Variants in PARG observed in about 807,000 individuals in gnomAD.
PARG encodes poly(ADP-ribose) glycohydrolase.
A neutral mutation model predicts 113.0 loss-of-function variants in PARG; 35 were observed. That is an observed-to-expected ratio of 0.31 (90% CI 0.24 to 0.41). The LOEUF (loss-of-function observed/expected upper bound fraction) is 0.41, where lower values mean the gene tolerates loss of function less well. Among genes scored for constraint, PARG ranks in the 10% least tolerant of loss-of-function variants. The probability of loss-of-function intolerance (pLI) is 1.00; values close to 1 mark genes in which losing one functional copy is unlikely to be tolerated. For missense variants in PARG, 797 were observed against 1,169.4 expected (o/e 0.68, Z 4.64); for synonymous variants, 330 against 409.9 (o/e 0.81, Z 2.36).
At chr10:49,940,621 G>A (rs1838991050) in intron 1 of PARG, among the ~76,000 whole-genome samples, 1 of 152,172 alleles carries the variant, frequency 6.6e-6, no homozygotes, top group Non-Finnish European at 1.5e-5. Context: ...GGATGCCAGC[G>A]ATTCTCCTGC....
intron 4 of PARG, among the ~76,000 whole-genome samples, chr10:49,928,843 T>C (rs1351302284): frequency 6.6e-6 from 1 of 152,210 alleles, no homozygotes; most frequent in Non-Finnish European, 1.5e-5. Context: ...TATTAACATC[T>C]GGAATCTTAA....
At position 49,938,803 on chromosome 10, in the gene PARG, A is replaced by T. The variant is rs1400361723; in HGVS notation, c.217+2706T>A. Among the ~76,000 whole-genome samples the T allele has an allele frequency of 2.6e-5, 4 of 152,194 alleles. No homozygotes were observed. In the East Asian group the frequency reaches 7.7e-4, roughly 29 times the overall value. ...ATATAAAATTTAAAGATACTGAATA[A>T]ATATCCATTTCGCTACCCCGCCTAC... On this transcript the variant is annotated intron_variant, in intron 1 of 17. Coordinates refer to ENST00000616448, the MANE Select transcript of PARG (RefSeq NM_003631.5).
intron 15 of PARG, among the ~76,000 whole-genome samples, chr10:49,834,812 C>T (rs1310978189): frequency 6.6e-6 from 1 of 151,884 alleles, no homozygotes; most frequent in African/African-American, 2.4e-5. Context: ...TGCACTCCAG[C>T]CTGGGTGACA....
intron 7 of PARG, among the ~76,000 whole-genome samples, chr10:49,891,623 A>AT (rs1160158066): frequency 2.1e-5 from 1 of 47,440 alleles, no homozygotes; most frequent in African/African-American, 1.0e-4. Context: ...ATATATATAT[A>AT]TTTTTTTTTT....
intron 6 of PARG, among the ~76,000 whole-genome samples, chr10:49,921,061 A>G (rs536663048): frequency 2.0e-5 from 3 of 152,158 alleles, no homozygotes; most frequent in Non-Finnish European, 4.4e-5. Flanking sequence ...GTGGAGAAAG[A>G]AGGACGGAAA....
chr10:49,877,040 A>G (rs1554838530), intron 9 of PARG, among the ~76,000 whole-genome samples: 1 of 149,030 alleles, frequency 6.7e-6, no homozygotes. Flanking sequence ...CTTAGTGTTG[A>G]TAGTAGAGGG....
chr10:49,909,208 G>A (rs1293580782), intron 7 of PARG, among the ~76,000 whole-genome samples: 21 of 151,902 alleles, frequency 1.4e-4, no homozygotes, highest in African/African-American at 2.2e-4. Flanking sequence ...TGTGTTTTAC[G>A]TTATTGAATC....
chr10:49,849,135 C>G (rs1321639974), intron 13 of PARG, among the ~76,000 whole-genome samples: 1 of 151,508 alleles, frequency 6.6e-6, no homozygotes, highest in Admixed American at 6.6e-5. Context: ...GCAGAGGTTG[C>G]GGTAAGCTGA....
At position 49,842,040 on chromosome 10, in the gene PARG, G is replaced by T; in HGVS notation, c.2451C>A (p.Arg817=). 6.5e-7 allele frequency: 1 copy of T among 1,549,780 alleles called. No individual in the cohort carries two copies. Among genetic ancestry groups the T allele is most frequent in the Non-Finnish European group, 8.7e-7 (1 of 1,146,384 alleles). ...DGSERDDWQR[R]CTEIVAIDAL... The stretch of plus-strand genomic sequence containing the variant: ...CATCGATGGCAACGATCTCAGTGCA[G>T]CGCCGCTGCCAGTCGTCCCTGGGAC... Residue 817 remains arginine (R), a synonymous_variant, in exon 15 of 18, where the codon CGC becomes CGA. Coordinates refer to ENST00000616448, the MANE Select transcript of PARG (RefSeq NM_003631.5).
At chr10:49,916,704 T>C (rs575478954) in intron 6 of PARG, among the ~76,000 whole-genome samples, 3 of 152,282 alleles carry the variant, frequency 2.0e-5, no homozygotes, top group South Asian at 4.1e-4. Context: ...CCACTAGATG[T>C]GCAGAAACAA....
At chr10:49,889,259 T>C (rs1554841027) in intron 7 of PARG, among the ~76,000 whole-genome samples, 1 of 152,116 alleles carries the variant, frequency 6.6e-6, no homozygotes, top group African/African-American at 2.4e-5. Flanking sequence ...GAGGGACATT[T>C]TGTTGAAATT....
At chr10:49,935,020 A>G in intron 2 of PARG, 56 bp downstream of exon 2, 1 of 681,760 alleles carries the variant, frequency 1.5e-6, no homozygotes, top group Non-Finnish European at 2.7e-6. Flanking sequence ...TTAAAGCAAC[A>G]AGATAAAACA....
chr10:49,909,923 C>T lies in PARG; in HGVS notation c.1737+5994G>A, dbSNP rs553571577. ...GCCACTGGACACAGAATCTGTGTGA[C>T]GCTGTACCCCTCAAGCATTTAAATT... On this transcript the variant is annotated intron_variant, in intron 7 of 17. Transcript: ENST00000616448. The T allele has an allele frequency of 5.2e-3, 827 of 158,342 alleles. 1 individual carries two copies. Among genetic ancestry groups the T allele is most frequent in the Non-Finnish European group, 7.9e-3 (568 of 71,486 alleles). The allele number at this position is 158,342 out of a possible 1,614,324, so 9.8% of individuals were successfully genotyped here. A position where few individuals can be genotyped will look rare whatever the true frequency, so the allele number is the denominator to read the frequency against.
intron 7 of PARG, among the ~76,000 whole-genome samples, chr10:49,910,268 C>A (rs375782137): frequency 4.0e-5 from 6 of 151,606 alleles, no homozygotes; most frequent in Admixed American, 2.0e-4. Context: ...ATAACTACAG[C>A]GAAGACAAAA....
At chr10:49,923,891 G>A (rs1838016859) in intron 4 of PARG, among the ~76,000 whole-genome samples, 1 of 151,308 alleles carries the variant, frequency 6.6e-6, no homozygotes, top group South Asian at 2.1e-4. Flanking sequence ...CCCATCTCAA[G>A]GGAAGAATCA....
At chr10:49,873,314 A>G (rs1232787996) in intron 9 of PARG, among the ~76,000 whole-genome samples, 1 of 64,268 alleles carries the variant, frequency 1.6e-5, no homozygotes, top group Non-Finnish European at 2.9e-5. Flanking sequence ...GAAACTATGC[A>G]TAAAAGGAAA....
chr10:49,904,945 T>G (rs1273374266), intron 7 of PARG, among the ~76,000 whole-genome samples: 4 of 151,550 alleles, frequency 2.6e-5, no homozygotes, highest in Non-Finnish European at 5.9e-5. Flanking sequence ...AATAAATAAA[T>G]AAAGTCAATT....
chr10:49,849,296 T>C (rs1192790166), intron 13 of PARG, among the ~76,000 whole-genome samples: 1 of 152,110 alleles, frequency 6.6e-6, no homozygotes, highest in African/African-American at 2.4e-5. Context: ...ATTCTAAAAC[T>C]TGGCAAAACG....
intron 15 of PARG, among the ~76,000 whole-genome samples, chr10:49,839,619 G>A (rs781852890): frequency 8.5e-5 from 13 of 152,168 alleles, no homozygotes; most frequent in Non-Finnish European, 1.9e-4. Flanking sequence ...CAAACTGAAG[G>A]TTGGTGATAC....
Sources: allele counts gnomAD v4.1 joint callset (sites outside exome capture counted in the v4.1 genomes callset), GRCh38; gene constraint gnomAD v4.1.1; transcripts MANE v1.5; gene names NCBI Gene and HGNC (gene_info 2026-07-23, HGNC 2026-07-21).